RBFOX1: variants seen among roughly 807,000 people sequenced by gnomAD.
RBFOX1 encodes RNA binding protein fox-1 homolog 1.
A neutral mutation model predicts 57.7 loss-of-function variants in RBFOX1; 8 were observed. The ratio of observed to expected loss-of-function variants is 0.14; its 90% CI spans 0.08 to 0.25. The LOEUF is 0.25. Ranked by LOEUF, RBFOX1 falls within the 10% of genes least tolerant of loss-of-function variation. The pLI is 1.00. For missense variants in RBFOX1, 611 were observed against 548.5 expected, an observed-to-expected ratio of 1.11 and a Z score of -1.14; for synonymous variants, 326 against 222.4, an observed-to-expected ratio of 1.47 and a Z score of -4.15.
chr16:5,347,551 C>G (rs999294958), intron 1 of RBFOX1, among the ~76,000 whole-genome samples: 3 of 152,124 alleles, frequency 2.0e-5, no homozygotes, highest in African/African-American at 7.2e-5. Flanking sequence ...ATTCCATCCA[C>G]CTACCGACTC....
chr16:7,182,814 C>T (rs1254816517), intron 4 of RBFOX1, among the ~76,000 whole-genome samples: 5 of 152,166 alleles, frequency 3.3e-5, no homozygotes, highest in Admixed American at 6.5e-5. Context: ...AATGCCTTCC[C>T]TTAATCTCCA....
At chr16:7,387,817 TC>T (rs1200202006) in intron 4 of RBFOX1, among the ~76,000 whole-genome samples, 2 of 152,094 alleles carry the variant, frequency 1.3e-5, no homozygotes, top group Non-Finnish European at 2.9e-5. Context: ...GTGTAGGGCT[TC>T]GCCATCAGTT....
At chr16:7,473,336 C>A (rs1202647876) in intron 4 of RBFOX1, among the ~76,000 whole-genome samples, 2 of 151,156 alleles carry the variant, frequency 1.3e-5, no homozygotes, top group Non-Finnish European at 2.9e-5. Flanking sequence ...CAAGATCACA[C>A]CACTGCACTA....
At chr16:5,472,142 C>T (rs1363170094) in intron 2 of RBFOX1, among the ~76,000 whole-genome samples, 1 of 152,132 alleles carries the variant, frequency 6.6e-6, no homozygotes, top group Non-Finnish European at 1.5e-5. Flanking sequence ...TCACGGCTCT[C>T]TCCCTGCCTT....
At chr16:6,540,483 G>A (rs1253422052) in intron 2 of RBFOX1, among the ~76,000 whole-genome samples, 2 of 151,834 alleles carry the variant, frequency 1.3e-5, no homozygotes, top group Admixed American at 1.3e-4. Flanking sequence ...GTGGTGGCAT[G>A]CGCATGTAGT....
intron 15 of RBFOX1, 150 bp downstream of exon 15, chr16:7,709,281 C>A: frequency 1.1e-6 from 1 of 936,470 alleles, no homozygotes. Flanking sequence ...CATTAATCCT[C>A]CCAGTAAACT....
intron 3 of RBFOX1, among the ~76,000 whole-genome samples, chr16:6,928,847 T>TA (rs1258559244): frequency 3.3e-5 from 5 of 152,126 alleles, no homozygotes; most frequent in Non-Finnish European, 7.4e-5. Flanking sequence ...ATCAGCCAGT[T>TA]AAAACCACCA....
intron 4 of RBFOX1, among the ~76,000 whole-genome samples, chr16:7,387,993 A>G (rs978407833): frequency 6.6e-6 from 1 of 151,934 alleles, no homozygotes; most frequent in Admixed American, 6.6e-5. Flanking sequence ...TTGTGGGGGG[A>G]AAAAGAGCAA....
rs56687915 is a variant in RBFOX1, at chr16:7,118,042, A to G, written c.27+65944A>G. Among the ~76,000 whole-genome samples the G allele has an allele frequency of 1.1e-3, 165 of 152,318 alleles. 3 individuals are homozygous for G. The East Asian group carries it at 0.027, about 25-fold the overall frequency. On this transcript the variant is annotated intron_variant, in intron 4 of 15. Transcript: ENST00000550418. ...GAATTGTGCTGCATTAAGCATGCAC[A>G]TGCAGGTGTGTTTTTTTATACAGTG...
intron 12 of RBFOX1, among the ~76,000 whole-genome samples, chr16:7,654,776 G>C (rs541669873): frequency 8.5e-5 from 13 of 152,176 alleles, no homozygotes; most frequent in Non-Finnish European, 1.9e-4. Context: ...AGTGGCCCTA[G>C]ACCAGGGGAC....
At chr16:5,931,903 G>A (rs1015382818) in intron 4 of RBFOX1, among the ~76,000 whole-genome samples, 4 of 152,142 alleles carry the variant, frequency 2.6e-5, no homozygotes, top group African/African-American at 9.7e-5. Flanking sequence ...GACCTCCTGG[G>A]CTCGAGCATT....
chr16:7,619,792 C>G (rs908250464), intron 10 of RBFOX1, among the ~76,000 whole-genome samples: 1 of 151,954 alleles, frequency 6.6e-6, no homozygotes, highest in African/African-American at 2.4e-5. Context: ...TCAGAGATTG[C>G]AAACTAAAAT....
intron 4 of RBFOX1, among the ~76,000 whole-genome samples, chr16:5,938,744 A>T (rs987206139): frequency 6.6e-5 from 10 of 152,196 alleles, no homozygotes; most frequent in Non-Finnish European, 1.3e-4. Flanking sequence ...CACAACCTCC[A>T]TAAACAGTCA....
chr16:5,605,860 G>T (rs1202061660), intron 3 of RBFOX1, among the ~76,000 whole-genome samples: 1 of 152,088 alleles, frequency 6.6e-6, no homozygotes, highest in African/African-American at 2.4e-5. Context: ...GAACAGGAGG[G>T]GAGAGTGCCA....
chr16:7,017,427 C>T (rs964844620), intron 3 of RBFOX1, among the ~76,000 whole-genome samples: 1 of 152,156 alleles, frequency 6.6e-6, no homozygotes, highest in East Asian at 1.9e-4. Context: ...TGAGATAAAT[C>T]TTGGCCCCAA....
At chr16:6,945,161 G>C (rs2079251643) in intron 3 of RBFOX1, among the ~76,000 whole-genome samples, 1 of 152,022 alleles carries the variant, frequency 6.6e-6, no homozygotes, top group Non-Finnish European at 1.5e-5. Context: ...TGAGAGTATG[G>C]GGAAAAAAGG....
chr16:7,115,840 G>C (rs961321343), intron 4 of RBFOX1, among the ~76,000 whole-genome samples: 40 of 152,202 alleles, frequency 2.6e-4, no homozygotes, highest in African/African-American at 7.5e-4. Flanking sequence ...CATGTTACAG[G>C]CTTTATACCA....
At chr16:6,250,655 T>G (rs1385732092) in intron 1 of RBFOX1, among the ~76,000 whole-genome samples, 1 of 152,142 alleles carries the variant, frequency 6.6e-6, no homozygotes. Context: ...TTAGATTGGT[T>G]CTCTGCACCA....
chr16:6,798,302 A>G (rs1040243967), intron 3 of RBFOX1, among the ~76,000 whole-genome samples: 1 of 152,108 alleles, frequency 6.6e-6, no homozygotes, highest in Admixed American at 6.6e-5. Flanking sequence ...TGTATCTAGA[A>G]ACTTGCATTT....
Sources: gnomAD v4.1 joint callset for allele counts (sites outside exome capture counted in the v4.1 genomes callset) on GRCh38, gnomAD v4.1.1 for gene constraint, MANE v1.5 for transcripts, NCBI Gene and HGNC (gene_info 2026-07-23, HGNC 2026-07-21) for gene names.